The following FMOD variants were observed in gnomAD, a reference collection of about 807,000 sequenced individuals.
The protein encoded by FMOD is KSPG fibromodulin.
FMOD carries 15 observed loss-of-function variants against 27.0 expected under a neutral mutation model. That is an observed-to-expected ratio of 0.55 (90% confidence interval 0.37 to 0.85). The LOEUF (loss-of-function observed/expected upper bound fraction) is 0.85, where lower values mean the gene tolerates loss of function less well. Among genes scored for constraint, FMOD ranks in the 40% least tolerant of loss-of-function variants. FMOD has a pLI of 0.00. For synonymous variants in FMOD, 210 were observed against 214.0 expected, an observed-to-expected ratio of 0.98 and a Z score of 0.16; for missense variants, 460 against 483.2, an observed-to-expected ratio of 0.95 and a Z score of 0.45.
At position 203,347,815 on chromosome 1, in the gene FMOD, GGAGAA is replaced by G; in HGVS notation, c.451_455del (p.Phe151GlnfsTer59). 1 of 1,613,978 alleles carries G rather than the reference GGAGAA, an allele frequency of 6.2e-7. No homozygotes were observed. The highest frequency in any genetic ancestry group is 8.5e-7 in the Non-Finnish European group (1 of 1,180,028). On this transcript the variant is annotated frameshift_variant, in exon 2 of 3. Coordinates refer to ENST00000354955, the MANE Select transcript of FMOD (RefSeq NM_002023.5). LOFTEE classifies it high-confidence loss of function. ...ACAGCCTCTCCAGGTGCCTCAGCTTGGAGAAGACCTTCCTGCCCACCTTATCACTG... is the reference window on the plus strand; with the variant it reads ...ACAGCCTCTCCAGGTGCCTCAGCTTGGACCTTCCTGCCCACCTTATCACTG...
chr1:203,347,069 C>A (rs1452638709), intron 2 of FMOD, among the ~76,000 whole-genome samples: 2 of 152,200 alleles, frequency 1.3e-5, no homozygotes, highest in Non-Finnish European at 2.9e-5. Flanking sequence ...CCTGGAAAGT[C>A]TTCTTCTGTA....
intron 2 of FMOD, among the ~76,000 whole-genome samples, chr1:203,344,789 C>A (rs1217254789): frequency 6.6e-6 from 1 of 152,170 alleles, no homozygotes; most frequent in Non-Finnish European, 1.5e-5. Flanking sequence ...GGGGGCTGAG[C>A]TTGGGGAGCT....
intron 2 of FMOD, among the ~76,000 whole-genome samples, chr1:203,346,041 A>AAGGTGCCGTACAT: frequency 1.3e-5 from 2 of 152,242 alleles, no homozygotes; most frequent in Non-Finnish European, 2.9e-5. Flanking sequence ...GGTGCCAGAC[A>AAGGTGCCGTACAT]GATGCCTCTT....
At chr1:203,343,099 A>G (rs1371934604) in intron 2 of FMOD, among the ~76,000 whole-genome samples, 1 of 152,238 alleles carries the variant, frequency 6.6e-6, no homozygotes, top group Non-Finnish European at 1.5e-5. Flanking sequence ...CTGAGTTTAA[A>G]GGAAGCTGGG....
In FMOD at chr1:203,347,368, G is replaced by GGA. The variant is rs760595111; in HGVS notation, c.901_902dup (p.Tyr302ProfsTer40). ...GGGGGATCTTCTGCAGCTGGTTGTA[G>GGA]GAGAGGTCTAGCTCAAGGAGGCTGC... On this transcript the variant is annotated frameshift_variant, in exon 2 of 3. Transcript: ENST00000354955. LOFTEE classifies it high-confidence loss of function. 1 of 1,614,176 alleles carries GGA rather than the reference G, an allele frequency of 6.2e-7. No homozygotes were observed. The highest frequency in any genetic ancestry group is 8.5e-7 in the Non-Finnish European group (1 of 1,180,024).
At chr1:203,350,695 A>C (rs751776298) in intron 1 of FMOD, among the ~76,000 whole-genome samples, 6 of 152,200 alleles carry the variant, frequency 3.9e-5, no homozygotes, top group Non-Finnish European at 7.3e-5. Context: ...CAGGTCTTGG[A>C]ATACCCTTCA....
rs28707406 is a variant in FMOD at position 203,350,587 on chromosome 1, A to G, written c.-8+446T>C. Reference sequence around the variant, plus strand: ...TCCTTTCCACTCCAAACACACACACACACACACACACACACACATTCTACA... The same window carrying G: ...TCCTTTCCACTCCAAACACACACACGCACACACACACACACACATTCTACA... On this transcript the variant is annotated intron_variant, in intron 1 of 2. Transcript: ENST00000354955. 2.3e-5 allele frequency among the ~76,000 whole-genome samples: 3 copies of G among 132,516 alleles called. No homozygotes were observed. The East Asian group carries it at 1.0e-3, about 46-fold the overall frequency. The allele number at this position is 132,516 out of a possible 152,430, so 86.9% of individuals were successfully genotyped here.
intron 2 of FMOD, among the ~76,000 whole-genome samples, chr1:203,346,612 C>T (rs575085197): frequency 2.0e-5 from 3 of 151,938 alleles, no homozygotes; most frequent in Admixed American, 1.3e-4. Context: ...TGCCCTGCCA[C>T]CAGGGGGTCC....
intron 1 of FMOD, among the ~76,000 whole-genome samples, chr1:203,348,629 C>T (rs946308355): frequency 1.3e-5 from 2 of 152,104 alleles, no homozygotes; most frequent in African/African-American, 4.8e-5. Context: ...GAAAAGCCCA[C>T]AGCAATCCCT....
Position 203,340,774 on chromosome 1 carries a change from C to G in FMOD, c.*1569G>C, listed in dbSNP as rs759212710. The G allele has an allele frequency of 2.0e-5, 3 of 152,408 alleles. No homozygotes were observed. The highest frequency in any genetic ancestry group is 7.2e-5 in the African/African-American group (3 of 41,592). The allele number at this position is 152,408 out of a possible 1,614,324, so 9.4% of individuals were successfully genotyped here. A position where few individuals can be genotyped will look rare whatever the true frequency, so the allele number is the denominator to read the frequency against. ...CAGGGGGCAGCCTTGCCCCTCACAT[C>G]GGAGCTCCTTTGTTGAAATGAGCTG... is the stretch of plus-strand genomic sequence containing the variant. On this transcript the variant is annotated 3_prime_UTR_variant, in exon 3 of 3. Coordinates refer to ENST00000354955, the MANE Select transcript of FMOD (RefSeq NM_002023.5).
At position 203,341,521 on chromosome 1, in the gene FMOD, A is replaced by G. The variant is rs534033513; in HGVS notation, c.*822T>C. Reference sequence around the variant, plus strand: ...CCCATTGCAGATGCTGATGGTAAGCAAAGTCTGGCCTTTCCTCTTCTGAAG... The same window carrying G: ...CCCATTGCAGATGCTGATGGTAAGCGAAGTCTGGCCTTTCCTCTTCTGAAG... On this transcript the variant is annotated 3_prime_UTR_variant, in exon 3 of 3. Transcript: ENST00000354955. 6.6e-6 allele frequency: 1 copy of G among 152,296 alleles called. No homozygotes were observed. The highest frequency in any genetic ancestry group is 1.9e-4 in the East Asian group (1 of 5,182). 9.4% of individuals were successfully genotyped at this position (152,296 alleles called of 1,614,324 possible).
At chr1:203,347,170 G>T in intron 2 of FMOD, 122 bp downstream of exon 2, 1 of 1,163,428 alleles carries the variant, frequency 8.6e-7, no homozygotes, top group Non-Finnish European at 1.2e-6. Flanking sequence ...TTGTCAGGTT[G>T]CTTCATTTGT....
At chr1:203,347,209 T>C in intron 2 of FMOD, 83 bp downstream of exon 2, 2 of 1,488,324 alleles carry the variant, frequency 1.3e-6, no homozygotes, top group Non-Finnish European at 1.8e-6. Context: ...TTCTATTTCT[T>C]TTGTTTTGCC....
In FMOD at chr1:203,347,692, G is replaced by A; in HGVS notation, c.579C>T (p.Asn193=). The A allele has an allele frequency of 6.2e-7, 1 of 1,614,154 alleles. No individual in the cohort carries two copies. The highest frequency in any genetic ancestry group is 8.5e-7 in the Non-Finnish European group (1 of 1,180,046). ...LDHNQISRVP[N]NALEGLENLT... is the part of the protein sequence containing the mutation. Reference sequence around the variant, plus strand: ...GGTTCTCCAGCCCCTCCAGAGCATTGTTGGGGACCCGTGAGATCTGGTTGT... The same window carrying A: ...GGTTCTCCAGCCCCTCCAGAGCATTATTGGGGACCCGTGAGATCTGGTTGT... The change falls in exon 2 of 3, where the codon AAC becomes AAT. Residue 193 remains asparagine, a synonymous_variant. Transcript: ENST00000354955.
rs1170414365 is a variant in FMOD at position 203,347,410 on chromosome 1, G to A, written c.861C>T (p.Ser287=). ...HNSLTNNGLA[S]NTFNSSSLLE... ...GGAGGCTGCTGGAATTGAAGGTGTT[G>A]GAGGCCAGGCCATTGTTGGTTAGAC... Residue 287 remains serine (S), a synonymous_variant, in exon 2 of 3, where the codon TCC becomes TCT. Transcript: ENST00000354955. 6.2e-7 allele frequency: 1 copy of A among 1,614,174 alleles called. No homozygotes were observed. Among genetic ancestry groups the A allele is most frequent in the South Asian group, 1.1e-5 (1 of 91,086 alleles).
In FMOD at chr1:203,342,404, C is replaced by T. The variant is rs200147359; in HGVS notation, c.1070G>A (p.Arg357His). The change falls in exon 3 of 3, where the codon CGC (arginine) becomes CAC (histidine). Residue 357 changes from arginine to histidine, a missense_variant. Coordinates refer to ENST00000354955, the MANE Select transcript of FMOD (RefSeq NM_002023.5). ...VLRLDGNEIKRSAMPADAPLC... is the reference protein window; with the variant it reads ...VLRLDGNEIKHSAMPADAPLC... ...GGGCGCGTCGGCAGGCATGGCGCTG[C>T]GCTTGATCTCGTTCCCGTCCAGGCG... The T allele has an allele frequency of 2.8e-5, 46 of 1,614,112 alleles. No individual in the cohort carries two copies. The East Asian group carries it at 4.0e-4, about 14-fold the overall frequency.
intron 1 of FMOD, among the ~76,000 whole-genome samples, chr1:203,348,812 A>G (rs10800914): frequency 0.95 from 145,401 of 152,308 alleles, 69,759 homozygotes; most frequent in East Asian, 1. Context: ...GCTGAACTAC[A>G]TCTGGAAAAT....
intron 2 of FMOD, 144 bp downstream of exon 2, chr1:203,347,148 G>A (rs925189399): frequency 5.9e-6 from 5 of 853,774 alleles, no homozygotes; most frequent in Middle Eastern, 7.2e-4. Context: ...TTTGTACAGG[G>A]GTATGGCTTG....
At chr1:203,342,844 G>A (rs1658821300) in intron 2 of FMOD, among the ~76,000 whole-genome samples, 1 of 152,122 alleles carries the variant, frequency 6.6e-6, no homozygotes, top group Non-Finnish European at 1.5e-5. Context: ...GAAGCAGAGG[G>A]TAGCCAAAGA....
Sources: gnomAD v4.1 joint callset for allele counts (sites outside exome capture counted in the v4.1 genomes callset) on GRCh38, gnomAD v4.1.1 for gene constraint, MANE v1.5 for transcripts, NCBI Gene and HGNC (gene_info 2026-07-23, HGNC 2026-07-21) for gene names.